CSMD3: variants seen among roughly 807,000 people sequenced by gnomAD.
CSMD3 encodes the protein CUB and sushi domain-containing protein 3.
In CSMD3, 177 loss-of-function variants were observed where a neutral mutation model predicts 435.2. The ratio of observed to expected loss-of-function variants is 0.41; its 90% confidence interval spans 0.36 to 0.46. The LOEUF is 0.46. CSMD3 is among the 20% of genes least tolerant of loss of function. CSMD3 has a pLI of 0.34. For synonymous variants in CSMD3, 1,656 were observed against 1,520.5 expected (o/e 1.09, Z -2.07); for missense variants, 4,265 against 4,504.6 (o/e 0.95, Z 1.52).
intron 32 of CSMD3, among the ~76,000 whole-genome samples, chr8:112,447,410 T>C (rs1815727919): frequency 6.6e-6 from 1 of 152,310 alleles, no homozygotes; most frequent in Middle Eastern, 3.4e-3. Context: ...AGATCACATC[T>C]AAAATATTTT....
chr8:112,984,824 T>G (rs2130984509), intron 6 of CSMD3, among the ~76,000 whole-genome samples: 1 of 152,200 alleles, frequency 6.6e-6, no homozygotes, highest in Admixed American at 6.6e-5. Flanking sequence ...ATACCCTACT[T>G]TTTCTACACC....
intron 38 of CSMD3, among the ~76,000 whole-genome samples, chr8:112,363,230 G>T (rs1408582828): frequency 2.0e-5 from 3 of 151,952 alleles, no homozygotes; most frequent in Non-Finnish European, 4.4e-5. Context: ...AGAAGTGCAT[G>T]CATAATACTT....
intron 64 of CSMD3, among the ~76,000 whole-genome samples, 158 bp downstream of exon 64, chr8:112,246,862 T>C (rs149481482): frequency 1.3e-5 from 2 of 152,314 alleles, no homozygotes; most frequent in East Asian, 3.9e-4. Flanking sequence ...GGCCATGGGT[T>C]TATGATACAG....
intron 13 of CSMD3, among the ~76,000 whole-genome samples, chr8:112,770,731 C>T (rs538817406): frequency 3.9e-5 from 6 of 152,036 alleles, no homozygotes; most frequent in African/African-American, 1.4e-4. Context: ...AAAAGCATTG[C>T]TTATCTATAT....
At chr8:112,763,470 T>G (rs1016509659) in intron 13 of CSMD3, among the ~76,000 whole-genome samples, 9 of 150,696 alleles carry the variant, frequency 6.0e-5, no homozygotes, top group African/African-American at 2.2e-4. Flanking sequence ...TATTTTAAAT[T>G]TAATAGCATC....
At chr8:113,262,491 T>C (rs531938498) in intron 3 of CSMD3, among the ~76,000 whole-genome samples, 2 of 152,198 alleles carry the variant, frequency 1.3e-5, no homozygotes, top group South Asian at 2.1e-4. Context: ...GCTAATATAA[T>C]AGTTGTTCCT....
chr8:112,844,809 C>G lies in CSMD3; in HGVS notation c.1755+14336G>C, dbSNP rs79928419. Among the ~76,000 whole-genome samples the G allele has an allele frequency of 1.6e-3, 237 of 152,014 alleles. 1 individual carries two copies. Among genetic ancestry groups the G allele is most frequent in the African/African-American group, 5.3e-3 (220 of 41,490 alleles). On this transcript the variant is annotated intron_variant, in intron 11 of 70. Transcript: ENST00000297405. ...TGCATCTCGGTTGTTTTAATTAAGA[C>G]CTTCTTTGCCCAGTCTCTCTTTTTC...
intron 58 of CSMD3, among the ~76,000 whole-genome samples, chr8:112,282,580 C>T (rs1818768971): frequency 6.6e-6 from 1 of 151,976 alleles, no homozygotes; most frequent in African/African-American, 2.4e-5. Flanking sequence ...CAATAAAAAT[C>T]AAGAATTTCT....
intron 6 of CSMD3, among the ~76,000 whole-genome samples, chr8:113,011,789 A>C (rs899597738): frequency 6.6e-6 from 1 of 151,780 alleles, no homozygotes; most frequent in Non-Finnish European, 1.5e-5. Context: ...AAATGCTATC[A>C]GAAAATTTTT....
intron 10 of CSMD3, among the ~76,000 whole-genome samples, chr8:112,910,764 C>T (rs1220655805): frequency 1.3e-5 from 2 of 151,866 alleles, no homozygotes; most frequent in Non-Finnish European, 2.9e-5. Flanking sequence ...AGGCAAGCTT[C>T]CACTTTTCAC....
chr8:113,097,240 T>A (rs2090191639), intron 5 of CSMD3, among the ~76,000 whole-genome samples: 1 of 152,092 alleles, frequency 6.6e-6, no homozygotes, highest in South Asian at 2.1e-4. Context: ...TCTTTAAAAT[T>A]ATTTCCAAAC....
intron 10 of CSMD3, among the ~76,000 whole-genome samples, chr8:112,878,985 G>T (rs746603297): frequency 1.3e-5 from 2 of 152,078 alleles, no homozygotes; most frequent in African/African-American, 4.8e-5. Flanking sequence ...TGCACAAATT[G>T]TTCATAAAGC....
intron 2 of CSMD3, among the ~76,000 whole-genome samples, chr8:113,299,943 C>T (rs1305674598): frequency 6.6e-6 from 1 of 151,170 alleles, no homozygotes; most frequent in Non-Finnish European, 1.5e-5. Context: ...AGTGAGCCGA[C>T]ATCACGCCAC....
At chr8:113,177,565 C>A (rs770170807) in intron 3 of CSMD3, among the ~76,000 whole-genome samples, 3 of 151,792 alleles carry the variant, frequency 2.0e-5, no homozygotes, top group Non-Finnish European at 2.9e-5. Context: ...AATGGGATTG[C>A]AGTAGGGGAG....
chr8:113,352,811 G>C (rs1423360532), intron 1 of CSMD3, among the ~76,000 whole-genome samples: 1 of 152,136 alleles, frequency 6.6e-6, no homozygotes, highest in East Asian at 1.9e-4. Context: ...AAGCAAAAAA[G>C]AATCACATCA....
intron 22 of CSMD3, among the ~76,000 whole-genome samples, chr8:112,599,985 A>C (rs1355321048): frequency 6.6e-6 from 1 of 151,284 alleles, no homozygotes; most frequent in Non-Finnish European, 1.5e-5. Flanking sequence ...TAACCTGCAC[A>C]ATGTGCACAT....
chr8:113,430,238 A>ATC (rs2094663275), intron 1 of CSMD3, among the ~76,000 whole-genome samples: 1 of 152,220 alleles, frequency 6.6e-6, no homozygotes, highest in South Asian at 2.1e-4. Flanking sequence ...TGTTAGAGAT[A>ATC]AAGTGCGAGT....
At chr8:112,560,733 AG>A (rs1298229841) in intron 24 of CSMD3, among the ~76,000 whole-genome samples, 2 of 151,814 alleles carry the variant, frequency 1.3e-5, no homozygotes, top group Admixed American at 6.6e-5. Flanking sequence ...CAGCAGAAGT[AG>A]TACTTTAAAA....
At chr8:113,018,943 C>T (rs183529905) in intron 6 of CSMD3, 124 bp downstream of exon 6, 167 of 727,232 alleles carry the variant, frequency 2.3e-4, no homozygotes, top group Non-Finnish European at 3.5e-4. Flanking sequence ...AACAGCATGA[C>T]CATTTTTTTC....
Sources: gnomAD v4.1 joint callset for allele counts (sites outside exome capture counted in the v4.1 genomes callset) on GRCh38, gnomAD v4.1.1 for gene constraint, MANE v1.5 for transcripts, NCBI Gene and HGNC (gene_info 2026-07-23, HGNC 2026-07-21) for gene names.